Variants in PHLPP1 observed in about 807,000 individuals in gnomAD.
The protein encoded by PHLPP1 is PH domain and leucine rich repeat protein phosphatase 1.
A neutral mutation model predicts 117.2 loss-of-function variants in PHLPP1; 42 were observed. The ratio of observed to expected loss-of-function variants is 0.36; its 90% confidence interval spans 0.28 to 0.46. PHLPP1 has a LOEUF of 0.46. Among genes scored for constraint, PHLPP1 ranks in the 20% least tolerant of loss-of-function variants. PHLPP1 has a pLI of 1.00. For synonymous variants in PHLPP1, 1,042 were observed against 970.7 expected, an observed-to-expected ratio of 1.07 and a Z score of -1.37; for missense variants, 2,084 against 2,241.9, an observed-to-expected ratio of 0.93 and a Z score of 1.42.
chr18:62,757,953 A>T (rs1304435477), intron 1 of PHLPP1, among the ~76,000 whole-genome samples: 1 of 152,172 alleles, frequency 6.6e-6, no homozygotes, highest in African/African-American at 2.4e-5. Context: ...TGAAAGAAAT[A>T]TGTTCAATTA....
intron 1 of PHLPP1, among the ~76,000 whole-genome samples, chr18:62,767,181 G>T (rs948685505): frequency 4.6e-5 from 7 of 152,190 alleles, no homozygotes; most frequent in African/African-American, 1.7e-4. Flanking sequence ...ATATGGAAAG[G>T]AGACAATATC....
chr18:62,951,606 G>T, intron 12 of PHLPP1, among the ~76,000 whole-genome samples: 1 of 152,062 alleles, frequency 6.6e-6, no homozygotes, highest in African/African-American at 2.4e-5. Flanking sequence ...GGAATCACTT[G>T]TAAATTTCTT....
intron 10 of PHLPP1, among the ~76,000 whole-genome samples, chr18:62,939,652 T>TTA (rs398120552): frequency 6.6e-6 from 1 of 151,550 alleles, no homozygotes; most frequent in Non-Finnish European, 1.5e-5. Context: ...TTTTTTTTTT[T>TTA]AATGTCAACG....
At chr18:62,867,633 C>T (rs1315654712) in intron 4 of PHLPP1, among the ~76,000 whole-genome samples, 1 of 152,038 alleles carries the variant, frequency 6.6e-6, no homozygotes, top group Non-Finnish European at 1.5e-5. Context: ...CTTTTTTCTT[C>T]CTGGAGCCAG....
rs1439623706 is a variant in PHLPP1, at chr18:62,716,037, C to T, written c.354C>T (p.Ser118=). 3 of 1,426,540 alleles carry T rather than the reference C, an allele frequency of 2.1e-6. No individual in the cohort carries two copies. Among genetic ancestry groups the T allele is most frequent in the African/African-American group, 1.5e-5 (1 of 66,304 alleles). The allele number at this position is 1,426,540 out of a possible 1,614,324, so 88.4% of individuals were successfully genotyped here. A position where few individuals can be genotyped will look rare whatever the true frequency, so the allele number is the denominator to read the frequency against. The change falls in exon 1 of 17, where the codon TCC becomes TCT. Residue 118 remains serine (S), a synonymous_variant. Transcript: ENST00000262719. The surrounding 1 kb of genome is among the most constrained non-coding windows in gnomAD (Gnocchi z 5.7). ...CCGGGGCCGGCGGCGGCGCCAACTC[C>T]CTCCTGCTGAGGAGAGGGCGGCTGA... ...PVPGAGGGAN[S]LLLRRGRLKR... is the part of the protein sequence containing the mutation.
At chr18:62,890,062 G>A (rs551289088) in intron 4 of PHLPP1, among the ~76,000 whole-genome samples, 4 of 142,836 alleles carry the variant, frequency 2.8e-5, no homozygotes, top group African/African-American at 5.3e-5. Context: ...ACCTAGGACT[G>A]AGGGCAGTTC....
chr18:62,816,858 C>T (rs571689029), intron 1 of PHLPP1, among the ~76,000 whole-genome samples: 3 of 152,178 alleles, frequency 2.0e-5, no homozygotes, highest in Non-Finnish European at 2.9e-5. Flanking sequence ...CCATATTTTG[C>T]GAAAGTATTT....
chr18:62,780,521 G>A (rs1913089546), intron 1 of PHLPP1, among the ~76,000 whole-genome samples: 1 of 152,124 alleles, frequency 6.6e-6, no homozygotes, highest in African/African-American at 2.4e-5. Context: ...CATTAGATAT[G>A]CATCAGTTTT....
chr18:62,877,538 G>C (rs528500124), intron 4 of PHLPP1, among the ~76,000 whole-genome samples: 1 of 152,308 alleles, frequency 6.6e-6, no homozygotes, highest in South Asian at 2.1e-4. Flanking sequence ...AGATAACCTT[G>C]GGAAGGAATT....
intron 12 of PHLPP1, among the ~76,000 whole-genome samples, chr18:62,956,098 G>A (rs1018363210): frequency 1.5e-4 from 23 of 152,152 alleles, no homozygotes; most frequent in Non-Finnish European, 2.9e-5. Flanking sequence ...GTAAATTAAT[G>A]TACATCTACT....
chr18:62,890,693 G>A (rs1046513862), intron 4 of PHLPP1, among the ~76,000 whole-genome samples: 4 of 152,108 alleles, frequency 2.6e-5, no homozygotes, highest in South Asian at 2.1e-4. Flanking sequence ...CCACCGCCCC[G>A]CCACATTATT....
In PHLPP1 at chr18:62,826,380, G is replaced by A. The variant is rs1015703201; in HGVS notation, c.1577-3655G>A. On this transcript the variant is annotated intron_variant, in intron 1 of 16. Coordinates refer to ENST00000262719, the MANE Select transcript of PHLPP1 (RefSeq NM_194449.4). The stretch of plus-strand genomic sequence containing the variant: ...AATATAAGCATCTATTTGTGGTTGC[G>A]GAAGTGCAGGTCTCAGGCCTTGGCT... The A allele has an allele frequency of 5.2e-5, 14 of 269,724 alleles. 1 individual carries two copies. The highest frequency in any genetic ancestry group is 1.8e-4 in the South Asian group (5 of 27,422). The allele number at this position is 269,724 out of a possible 1,614,324, so 16.7% of individuals were successfully genotyped here.
chr18:62,963,562 C>CA (rs1910825009), intron 14 of PHLPP1, 90 bp downstream of exon 14: 1 of 780,688 alleles, frequency 1.3e-6, no homozygotes, highest in Non-Finnish European at 2.1e-6. Flanking sequence ...CTGTAGCACA[C>CA]ACTTTTCTCA....
At chr18:62,933,500 A>G (rs1229720524) in intron 10 of PHLPP1, among the ~76,000 whole-genome samples, 2 of 152,334 alleles carry the variant, frequency 1.3e-5, no homozygotes, top group East Asian at 3.9e-4. Flanking sequence ...AGTCAACAAA[A>G]ATAAACAATG....
rs1428543006 is a variant in PHLPP1 at position 62,716,786 on chromosome 18, G to C, written c.1103G>C (p.Ser368Thr). The C allele has an allele frequency of 6.6e-6, 10 of 1,526,118 alleles. No individual in the cohort carries two copies. In the African/African-American group the frequency reaches 1.1e-4, roughly 17 times the overall value. The allele number at this position is 1,526,118 out of a possible 1,614,324, so 94.5% of individuals were successfully genotyped here. Residue 368 changes from serine (S) to threonine (T), a missense_variant, in exon 1 of 17, where the codon AGC becomes ACC. Ser to Thr is a moderately conservative substitution (Grantham distance 58, BLOSUM62 1). Transcript: ENST00000262719. The surrounding 1 kb of genome is among the most constrained non-coding windows in gnomAD (Gnocchi z 5.7). ...TCTGACCGGTTGGACCCCTACAGCA[G>C]CGGCGGCGGCTCCTCGTCGTCGTCG... Reference protein sequence around the residue: ...SVSDRLDPYSSGGGSSSSSEE... With the variant: ...SVSDRLDPYSTGGGSSSSSEE...
chr18:62,767,105 A>C (rs1180389567), intron 1 of PHLPP1, among the ~76,000 whole-genome samples: 1 of 152,222 alleles, frequency 6.6e-6, no homozygotes, highest in East Asian at 1.9e-4. Context: ...AGCAAATGAA[A>C]AATATCTCGC....
At chr18:62,821,057 C>T (rs931559689) in intron 1 of PHLPP1, among the ~76,000 whole-genome samples, 5 of 152,062 alleles carry the variant, frequency 3.3e-5, no homozygotes, top group Admixed American at 2.0e-4. Context: ...GTACTATGAA[C>T]GGATGAAAAG....
At chr18:62,780,221 A>G (rs1310019551) in intron 1 of PHLPP1, among the ~76,000 whole-genome samples, 2 of 152,350 alleles carry the variant, frequency 1.3e-5, no homozygotes, top group South Asian at 2.1e-4. Flanking sequence ...TGAAGGATTC[A>G]GAAGTGGTCT....
At position 62,777,148 on chromosome 18, in the gene PHLPP1, C is replaced by T. The variant is rs533706512; in HGVS notation, c.1577-52887C>T. Reference sequence around the variant, plus strand: ...AAACCATTTTCCAAAGTGTTTATACCATTTTGCATTTTCACTAGCAGTGTT... The same window carrying T: ...AAACCATTTTCCAAAGTGTTTATACTATTTTGCATTTTCACTAGCAGTGTT... On this transcript the variant is annotated intron_variant, in intron 1 of 16. Coordinates refer to ENST00000262719, the MANE Select transcript of PHLPP1 (RefSeq NM_194449.4). 5.3e-5 allele frequency among the ~76,000 whole-genome samples: 8 copies of T among 152,256 alleles called. No individual in the cohort carries two copies. The East Asian group carries it at 1.4e-3, about 26-fold the overall frequency.
Sources: allele counts gnomAD v4.1 joint callset (sites outside exome capture counted in the v4.1 genomes callset), GRCh38; gene constraint gnomAD v4.1.1; non-coding constraint Gnocchi (gnomAD v3.1); transcripts MANE v1.5; gene names NCBI Gene and HGNC (gene_info 2026-07-23, HGNC 2026-07-21).